The following ASNS variants were observed in gnomAD, a reference collection of about 807,000 sequenced individuals.
ASNS encodes asparagine synthetase [glutamine-hydrolyzing].
Under a neutral mutation model 62.6 loss-of-function variants are expected in ASNS, and 37 were observed. The ratio of observed to expected loss-of-function variants is 0.59; its 90% CI spans 0.45 to 0.78. The LOEUF is 0.78. Ranked by LOEUF, ASNS falls within the 30% of genes least tolerant of loss-of-function variation. The pLI is 0.00. For missense variants in ASNS, 520 were observed against 682.4 expected, an observed-to-expected ratio of 0.76 and a Z score of 2.65; for synonymous variants, 207 against 237.9, an observed-to-expected ratio of 0.87 and a Z score of 1.19.
chr7:97,877,531 C>A (rs574526407), upstream of ASNS, among the ~76,000 whole-genome samples: 5 of 152,302 alleles, frequency 3.3e-5, no homozygotes, highest in East Asian at 9.6e-4. Context: ...TTTAGGGTCA[C>A]AATACTGCAA....
At chr7:97,904,476 C>T in the ASNS span, among the ~76,000 whole-genome samples, 3 of 152,148 alleles carry the variant, frequency 2.0e-5, no homozygotes, top group Non-Finnish European at 2.9e-5. Flanking sequence ...TCCCATCAAA[C>T]TTGCCCTAAG....
the ASNS span, among the ~76,000 whole-genome samples, chr7:97,896,731 CACACACACACAT>C: frequency 3.6e-5 from 1 of 27,870 alleles, no homozygotes; most frequent in Admixed American, 5.8e-4. Flanking sequence ...CACACACACA[CACACACACACAT>C]ATATATATAT....
At chr7:97,915,733 G>A in the ASNS span, among the ~76,000 whole-genome samples, 2 of 151,936 alleles carry the variant, frequency 1.3e-5, no homozygotes, top group Non-Finnish European at 2.9e-5. Context: ...GAAAGAGCCC[G>A]ATATGCAAAG....
chr7:97,921,927 T>C, the ASNS span, among the ~76,000 whole-genome samples: 2 of 152,180 alleles, frequency 1.3e-5, no homozygotes, highest in African/African-American at 4.8e-5. Context: ...ACATACACAA[T>C]GGAATACTAT....
intron 6 of ASNS, 29 bp downstream of exon 6, chr7:97,858,825 T>C (rs1791579754): frequency 1.9e-6 from 3 of 1,559,070 alleles, no homozygotes; most frequent in Non-Finnish European, 2.6e-6. Flanking sequence ...ACACATGAAA[T>C]ATAATTAGGT....
At chr7:97,887,169 T>C in the ASNS span, among the ~76,000 whole-genome samples, 1 of 152,220 alleles carries the variant, frequency 6.6e-6, no homozygotes, top group Non-Finnish European at 1.5e-5. Context: ...TCGTTGCCCC[T>C]TGGGGACGCA....
chr7:97,898,974 C>A, the ASNS span: 1 of 730,448 alleles, frequency 1.4e-6, no homozygotes, highest in Admixed American at 1.8e-5. Flanking sequence ...TGGGTCCTGG[C>A]GACCAAGTCT....
At chr7:97,871,678 T>C (rs778427521) in intron 1 of ASNS, 9 of 152,266 alleles carry the variant, frequency 5.9e-5, no homozygotes, top group Non-Finnish European at 1.2e-4. Context: ...CTAGTTCTTT[T>C]GCCTTTTTCT....
At chr7:97,883,706 G>A in the ASNS span, among the ~76,000 whole-genome samples, 3 of 152,284 alleles carry the variant, frequency 2.0e-5, no homozygotes, top group South Asian at 4.1e-4. Context: ...ATAAAAGCTC[G>A]GCCGGGCGCG....
chr7:97,854,657 C>A lies in ASNS; in HGVS notation c.1161G>T (p.Glu387Asp). The change falls in exon 10 of 13, where the codon GAG (glutamate) becomes GAT (aspartate). Residue 387 changes from glutamate (E) to aspartate (D), a missense_variant. By Grantham distance (45) the Glu-to-Asp change is conservative (BLOSUM62 2). Transcript: ENST00000394308. The stretch of plus-strand genomic sequence containing the variant: ...CCCTCAGAAGCCTCTCACTCTCCTC[C>A]TCGGCTTTTTCAGGAGAAGGAGCCT... ...FHKAPSPEKAEEESERLLREL... is the reference protein window; with the variant it reads ...FHKAPSPEKADEESERLLREL... 6.2e-7 allele frequency: 1 copy of A among 1,614,118 alleles called. No homozygotes were observed. The highest frequency in any genetic ancestry group is 8.5e-7 in the Non-Finnish European group (1 of 1,180,010).
chr7:97,897,737 C>T, the ASNS span, among the ~76,000 whole-genome samples: 1 of 152,156 alleles, frequency 6.6e-6, no homozygotes, highest in African/African-American at 2.4e-5. Context: ...CCATATGATG[C>T]AGCAATCCCA....
At chr7:97,925,991 G>A in the ASNS span, among the ~76,000 whole-genome samples, 4 of 151,942 alleles carry the variant, frequency 2.6e-5, no homozygotes, top group Non-Finnish European at 5.9e-5. Context: ...GGTGTTTATG[G>A]ATACACAAGA....
the ASNS span, chr7:97,898,911 G>C: frequency 7.9e-7 from 1 of 1,268,918 alleles, no homozygotes; most frequent in Non-Finnish European, 1.1e-6. Context: ...AAGTCAGCAA[G>C]ACTCACTTCA....
chr7:97,865,326 C>T (rs992898113), intron 3 of ASNS, among the ~76,000 whole-genome samples: 9 of 152,200 alleles, frequency 5.9e-5, no homozygotes, highest in Admixed American at 2.0e-4. Context: ...TAAAAGGTTA[C>T]TATACACTGT....
At chr7:97,856,417 T>C (rs1791437468) in intron 8 of ASNS, among the ~76,000 whole-genome samples, 2 of 152,156 alleles carry the variant, frequency 1.3e-5, no homozygotes, top group African/African-American at 2.4e-5. Context: ...AAATGGGAGG[T>C]AGAGGGCAGA....
At chr7:97,886,439 G>A in the ASNS span, among the ~76,000 whole-genome samples, 6 of 152,034 alleles carry the variant, frequency 3.9e-5, no homozygotes, top group East Asian at 1.9e-4. Flanking sequence ...GAGCCACTGC[G>A]CCTGGCCTAT....
chr7:97,855,251 C>T, intron 9 of ASNS, 102 bp downstream of exon 9: 1 of 835,096 alleles, frequency 1.2e-6, no homozygotes. Context: ...TCACAAGATA[C>T]TCAAAAATAT....
At chr7:97,924,121 C>A in the ASNS span, among the ~76,000 whole-genome samples, 1 of 152,066 alleles carries the variant, frequency 6.6e-6, no homozygotes, top group African/African-American at 2.4e-5. Context: ...AAGCCCAGGG[C>A]AACACAGCCC....
At chr7:97,901,877 C>T in the ASNS span, among the ~76,000 whole-genome samples, 2 of 152,040 alleles carry the variant, frequency 1.3e-5, no homozygotes, top group African/African-American at 4.8e-5. Flanking sequence ...ACTCAGGTGG[C>T]TGAGGCACAA....
Sources: gnomAD v4.1 joint callset for allele counts (sites outside exome capture counted in the v4.1 genomes callset) on GRCh38, gnomAD v4.1.1 for gene constraint, MANE v1.5 for transcripts, NCBI Gene and HGNC (gene_info 2026-07-23, HGNC 2026-07-21) for gene names.